The following TIA1 variants were observed in gnomAD, a reference collection of about 807,000 sequenced individuals.
TIA1 encodes the protein TIA1 cytotoxic granule associated RNA binding protein.
TIA1 carries 23 observed loss-of-function variants against 65.9 expected under a neutral mutation model. The ratio of observed to expected loss-of-function variants is 0.35; its 90% CI spans 0.25 to 0.49. The LOEUF is 0.49. TIA1 is among the 20% of genes least tolerant of loss of function. The pLI is 0.98. For synonymous variants in TIA1, 147 were observed against 149.4 expected (o/e 0.98, Z 0.12); for missense variants, 371 against 477.9 (o/e 0.78, Z 2.09).
intron 4 of TIA1, 25 bp downstream of exon 4, chr2:70,229,239 T>G: frequency 6.2e-7 from 1 of 1,613,350 alleles, no homozygotes; most frequent in Non-Finnish European, 8.5e-7. Flanking sequence ...AAAACAAATG[T>G]TCAAAGAGCA....
At position 70,229,111 on chromosome 2, in the gene TIA1, T is replaced by A; in HGVS notation, c.278-20A>T. 6.2e-7 allele frequency: 1 copy of A among 1,613,868 alleles called. No homozygotes were observed. Among genetic ancestry groups the A allele is most frequent in the Non-Finnish European group, 8.5e-7 (1 of 1,179,836 alleles). On this transcript the variant is annotated intron_variant, in intron 4 of 12. Coordinates refer to ENST00000433529, the MANE Select transcript of TIA1 (RefSeq NM_022173.4). ...TACTACCTGATGACAAAGATTAGAT[T>A]TGTTCTTAAATTTATTAACACAAAC...
At chr2:70,244,055 A>G (rs1693095660) in intron 1 of TIA1, among the ~76,000 whole-genome samples, 1 of 152,064 alleles carries the variant, frequency 6.6e-6, no homozygotes. Context: ...CTCCCCTAAC[A>G]TTCCTATTTA....
At chr2:70,215,307 A>C in intron 11 of TIA1, 64 bp downstream of exon 11, 1 of 1,597,878 alleles carries the variant, frequency 6.3e-7, no homozygotes, top group Non-Finnish European at 8.6e-7. Context: ...ATTATCAACA[A>C]TCTTCACCTT....
chr2:70,219,531 C>T (rs999399896), intron 7 of TIA1, among the ~76,000 whole-genome samples: 1 of 152,112 alleles, frequency 6.6e-6, no homozygotes, highest in African/African-American at 2.4e-5. Flanking sequence ...GTCATCCAGG[C>T]ATGATCACAG....
At position 70,215,486 on chromosome 2, in the gene TIA1, G is replaced by T. The variant is rs1219834476; in HGVS notation, c.773C>A (p.Ser258Tyr). Residue 258 changes from serine (S) to tyrosine (Y), a missense_variant, in exon 11 of 13, where the codon TCC becomes TAC. Transcript: ENST00000433529. Reference protein sequence around the residue: ...DKGYSFVRFNSHESAAHAIVS... With the variant: ...DKGYSFVRFNYHESAAHAIVS... ...AATTGCATGTGCTGCACTTTCATGG[G>T]AATTGAACCTATTGAAAACAATATT... 6.2e-7 allele frequency: 1 copy of T among 1,610,704 alleles called. No homozygotes were observed. The highest frequency in any genetic ancestry group is 8.5e-7 in the Non-Finnish European group (1 of 1,178,262).
intron 1 of TIA1, among the ~76,000 whole-genome samples, chr2:70,248,184 C>G (rs555503766): frequency 6.6e-5 from 10 of 152,170 alleles, no homozygotes; most frequent in Non-Finnish European, 1.5e-4. Flanking sequence ...AATGGTGTTG[C>G]TAAAGTGAAG....
intron 1 of TIA1, among the ~76,000 whole-genome samples, chr2:70,238,353 C>T (rs979295364): frequency 7.0e-6 from 1 of 143,566 alleles, no homozygotes. Flanking sequence ...TCATTGCAAC[C>T]TCCACCTCCC....
intron 7 of TIA1, among the ~76,000 whole-genome samples, chr2:70,220,575 C>T (rs1680832220): frequency 6.6e-6 from 1 of 152,096 alleles, no homozygotes; most frequent in South Asian, 2.1e-4. Flanking sequence ...ACAGAGCCTT[C>T]AAAAGAGCAT....
chr2:70,216,711 GAAAT>G, intron 8 of TIA1, 171 bp downstream of exon 8: 1 of 1,487,872 alleles, frequency 6.7e-7, no homozygotes, highest in African/African-American at 1.4e-5. Flanking sequence ...CTTGACATTA[GAAAT>G]AATATTATTT....
intron 6 of TIA1, 50 bp downstream of exon 6, chr2:70,227,685 C>CAT (rs762672466): frequency 4.1e-6 from 5 of 1,213,464 alleles, no homozygotes; most frequent in Non-Finnish European, 5.9e-6. Flanking sequence ...GTTATGTCTA[C>CAT]ATATAATTGT....
Position 70,229,314 on chromosome 2 carries a change from ACTTC to A in TIA1, c.223_226del (p.Glu75SerfsTer3). On this transcript the variant is annotated frameshift_variant and splice_region_variant, in exon 4 of 13. Transcript: ENST00000433529. LOFTEE classifies it high-confidence loss of function. Reference sequence around the variant, plus strand: ...AGGGGTTGTTGCCCAATTCACTTTGACTTCCTAAAAAAAAAAAATTTCTACATTT... The same window carrying A: ...AGGGGTTGTTGCCCAATTCACTTTGACTAAAAAAAAAAAATTTCTACATTT... 6.2e-7 allele frequency: 1 copy of A among 1,605,414 alleles called. No individual in the cohort carries two copies. The highest frequency in any genetic ancestry group is 1.7e-5 in the Admixed American group (1 of 57,508).
intron 7 of TIA1, among the ~76,000 whole-genome samples, chr2:70,223,670 T>G (rs1682527481): frequency 1.3e-5 from 2 of 151,202 alleles, no homozygotes; most frequent in South Asian, 2.1e-4. Flanking sequence ...CACCTTGGCA[T>G]CCCAAAGTGC....
chr2:70,213,077 T>G (rs151174422), intron 12 of TIA1, among the ~76,000 whole-genome samples: 172 of 152,292 alleles, frequency 1.1e-3, no homozygotes, highest in African/African-American at 3.5e-3. Context: ...TGTTAGAAAT[T>G]AAAGCTAAGA....
intron 7 of TIA1, among the ~76,000 whole-genome samples, chr2:70,220,400 T>A (rs1680743789): frequency 6.6e-6 from 1 of 151,146 alleles, no homozygotes; most frequent in South Asian, 2.1e-4. Flanking sequence ...CAGAGTGAGG[T>A]CCTGTCTCGA....
chr2:70,215,590 A>G (rs1426312914), intron 10 of TIA1, 96 bp from the exon 11 acceptor site: 3 of 1,152,908 alleles, frequency 2.6e-6, no homozygotes, highest in Non-Finnish European at 3.6e-6. Context: ...CTGAGGTAAA[A>G]CAGTTTGCGT....
At chr2:70,224,467 C>T in intron 7 of TIA1, 87 bp downstream of exon 7, 1 of 1,561,478 alleles carries the variant, frequency 6.4e-7, no homozygotes, top group Non-Finnish European at 8.7e-7. Flanking sequence ...AAATAAACAG[C>T]AGACGAAAAA....
intron 7 of TIA1, among the ~76,000 whole-genome samples, chr2:70,222,087 A>G (rs867009824): frequency 6.6e-6 from 1 of 152,114 alleles, no homozygotes; most frequent in African/African-American, 2.4e-5. Flanking sequence ...GCCACACTGT[A>G]TACTTGAATT....
chr2:70,225,127 CTT>C (rs971016976), intron 6 of TIA1: 4 of 1,022,416 alleles, frequency 3.9e-6, no homozygotes, highest in Non-Finnish European at 4.7e-6. Context: ...TTATACCCCC[CTT>C]TTTGTCTAAA....
chr2:70,227,697 T>A (rs1402301809), intron 6 of TIA1, 38 bp downstream of exon 6: 13 of 1,365,304 alleles, frequency 9.5e-6, no homozygotes, highest in Non-Finnish European at 1.2e-5. Flanking sequence ...TATAATTGTT[T>A]CTAATTAAAA....
Sources: allele counts gnomAD v4.1 joint callset (sites outside exome capture counted in the v4.1 genomes callset), GRCh38; gene constraint gnomAD v4.1.1; transcripts MANE v1.5; gene names NCBI Gene and HGNC (gene_info 2026-07-23, HGNC 2026-07-21).